CES1: variants seen among roughly 807,000 people sequenced by gnomAD.
CES1 encodes carboxylesterase 1.
In CES1, 50 loss-of-function variants were observed where a neutral mutation model predicts 53.0. The observed-to-expected ratio is 0.94, with a 90% CI of 0.75 to 1.19. The LOEUF (loss-of-function observed/expected upper bound fraction) is 1.19, where lower values mean the gene tolerates loss of function less well. CES1 is among the 50% of genes most tolerant of loss of function. The pLI, the probability that CES1 is intolerant of heterozygous loss-of-function variation, is 0.00. For missense variants in CES1, 534 were observed against 538.0 expected, an observed-to-expected ratio of 0.99 and a Z score of 0.07; for synonymous variants, 202 against 210.1, an observed-to-expected ratio of 0.96 and a Z score of 0.33.
Position 55,812,986 on chromosome 16 carries a change from C to T in CES1, c.1003G>A (p.Glu335Lys), listed in dbSNP as rs543385969. Residue 335 changes from glutamate to lysine, a missense_variant, in exon 9 of 14, where the codon GAG (glutamate) becomes AAG (lysine). Coordinates refer to ENST00000360526, the MANE Select transcript of CES1 (RefSeq NM_001025195.2). ...TGGAAATTCCTTTCAGCTTGAAGCT[C>T]TTCAGGTGTTTTCAGCAGCAGCATC... ...DGMLLLKTPE[E>K]LQAERNFHTV... 3.7e-5 allele frequency: 59 copies of T among 1,614,058 alleles called. No individual in the cohort carries two copies. In the South Asian group the frequency reaches 5.7e-4, roughly 16 times the overall value.
At chr16:55,826,558 G>C (rs2032426821) in intron 2 of CES1, among the ~76,000 whole-genome samples, 1 of 152,190 alleles carries the variant, frequency 6.6e-6, no homozygotes, top group Non-Finnish European at 1.5e-5. Context: ...GCATCAAGGA[G>C]GGGAGACCAC....
chr16:55,819,406 G>T (rs1833250), intron 7 of CES1, 129 bp downstream of exon 7: 495,524 of 751,688 alleles, frequency 0.66, 171,101 homozygotes, highest in Non-Finnish European at 0.74. Context: ...GGACAAATCA[G>T]ATTCCCCATT....
rs189586774 is a variant in CES1, at chr16:55,809,916, T to C, written c.1318+601A>G. On this transcript the variant is annotated intron_variant, in intron 11 of 13. Transcript: ENST00000360526. ...CCAGGCATGGAGCCCTTGCAGCAGA[T>C]GCTGCCAGGGTCTCACCTATATCCC... is the stretch of plus-strand genomic sequence containing the variant. Among the ~76,000 whole-genome samples the C allele has an allele frequency of 4.2e-3, 644 of 152,348 alleles. 6 individuals carry two copies. The highest frequency in any genetic ancestry group is 0.015 in the African/African-American group (610 of 41,576).
intron 8 of CES1, among the ~76,000 whole-genome samples, chr16:55,815,674 T>C (rs1173595959): frequency 6.6e-6 from 1 of 151,866 alleles, no homozygotes; most frequent in Non-Finnish European, 1.5e-5. Context: ...ACTCCTCCCA[T>C]CCCCACTGCC....
At position 55,821,462 on chromosome 16, in the gene CES1, C is replaced by A. The variant is rs2307243; in HGVS notation, c.599G>T (p.Arg200Leu). ...WGHLDQVAAL[R>L]WVQDNIASFG... Reference sequence around the variant, plus strand: ...GCTGGCAATGTTGTCCTGGACCCAGCGCAGGGCAGCCACCTGGTCCAGGTG... The same window carrying A: ...GCTGGCAATGTTGTCCTGGACCCAGAGCAGGGCAGCCACCTGGTCCAGGTG... The change falls in exon 5 of 14, where the codon CGC becomes CTC. Residue 200 changes from arginine to leucine, a missense_variant. Transcript: ENST00000360526. The A allele has an allele frequency of 3.1e-6, 5 of 1,614,158 alleles. No individual in the cohort carries two copies. The South Asian group carries it at 3.3e-5, about 11-fold the overall frequency.
intron 6 of CES1, 141 bp from the exon 7 acceptor site, chr16:55,819,780 G>T: frequency 5.2e-6 from 4 of 773,700 alleles, no homozygotes; most frequent in Non-Finnish European, 2.3e-6. Flanking sequence ...GTGGGTGTGG[G>T]TTCCAGGTCC....
At chr16:55,816,876 A>C (rs1422300587) in intron 8 of CES1, 48 bp downstream of exon 8, 2 of 1,578,212 alleles carry the variant, frequency 1.3e-6, no homozygotes, top group African/African-American at 2.7e-5. Context: ...TTGGAGCTTA[A>C]AGGTGCTAAG....
chr16:55,825,782 G>C (rs2032391537), intron 3 of CES1, among the ~76,000 whole-genome samples: 1 of 152,182 alleles, frequency 6.6e-6, no homozygotes, highest in African/African-American at 2.4e-5. Flanking sequence ...AGGAAGAGTT[G>C]GGGTGTTGGC....
rs1363807580 is a variant in CES1 at position 55,821,367 on chromosome 16, CA to C, written c.693del (p.Val232PhefsTer26). 1 of 1,614,086 alleles carries C rather than the reference CA, an allele frequency of 6.2e-7. No homozygotes were observed. The highest frequency in any genetic ancestry group is 8.5e-7 in the Non-Finnish European group (1 of 1,180,056). On this transcript the variant is annotated frameshift_variant and splice_region_variant, in exon 5 of 14. Transcript: ENST00000360526. LOFTEE classifies it high-confidence loss of function. ...ESAGGESVSVLVLSPLAKNLF... is the reference protein window; with the variant it reads ...ESAGGESVSVXVLSPLAKNLF... The stretch of plus-strand genomic sequence containing the variant: ...TTGGGCCTGGTGACAGGAAAACTCA[CA>C]AGAACAGAGACACTTTCTCCTCCCG...
rs539814571 is a variant in CES1 at position 55,828,346 on chromosome 16, A to C, written c.260+421T>G. ...GCCCACTCCTCTCCCCGACTATGTC[A>C]AAATTCAAGACAGCAGAATTCATGG... On this transcript the variant is annotated intron_variant, in intron 2 of 13. Coordinates refer to ENST00000360526, the MANE Select transcript of CES1 (RefSeq NM_001025195.2). 1.1e-4 allele frequency among the ~76,000 whole-genome samples: 16 copies of C among 152,376 alleles called. No individual in the cohort carries two copies. In the South Asian group the frequency reaches 3.3e-3, roughly 32 times the overall value.
At position 55,819,531 on chromosome 16, in the gene CES1, C is replaced by T. The variant is rs776400611; in HGVS notation, c.906+4G>A. 5 of 1,608,900 alleles carry T rather than the reference C, an allele frequency of 3.1e-6. No individual in the cohort carries two copies. Among genetic ancestry groups the T allele is most frequent in the Non-Finnish European group, 3.4e-6 (4 of 1,175,496 alleles). Reference sequence around the variant, plus strand: ...GGTTTGGGCTACGGGAACAGGCAACCTACCATTTTCAATGTCGTCTCCAAG... The same window carrying T: ...GGTTTGGGCTACGGGAACAGGCAACTTACCATTTTCAATGTCGTCTCCAAG... On this transcript the variant is annotated splice_donor_region_variant and intron_variant, in intron 7 of 13. Coordinates refer to ENST00000360526, the MANE Select transcript of CES1 (RefSeq NM_001025195.2).
intron 9 of CES1, among the ~76,000 whole-genome samples, chr16:55,811,766 G>A (rs1254059213): frequency 3.1e-4 from 6 of 19,650 alleles, no homozygotes; most frequent in Non-Finnish European, 1.0e-3. Context: ...TGCCCTTTGG[G>A]ATGTGAATCT....
intron 11 of CES1, among the ~76,000 whole-genome samples, chr16:55,809,556 G>A (rs559365087): frequency 6.6e-5 from 10 of 152,300 alleles, no homozygotes; most frequent in African/African-American, 1.9e-4. Flanking sequence ...CATCCCTAAC[G>A]TCATGCCCCA....
intron 2 of CES1, among the ~76,000 whole-genome samples, chr16:55,828,391 C>T (rs1464871779): frequency 1.3e-5 from 2 of 152,200 alleles, no homozygotes; most frequent in African/African-American, 4.8e-5. Context: ...TTCTGATCTC[C>T]CTCACCTGCT....
At chr16:55,825,095 G>C (rs2032364417) in intron 3 of CES1, among the ~76,000 whole-genome samples, 1 of 152,244 alleles carries the variant, frequency 6.6e-6, no homozygotes, top group Non-Finnish European at 1.5e-5. Flanking sequence ...GGCAGGGGCT[G>C]TGTGGAGTGG....
At chr16:55,815,150 C>T (rs2031883155) in intron 8 of CES1, among the ~76,000 whole-genome samples, 1 of 152,218 alleles carries the variant, frequency 6.6e-6, no homozygotes, top group Non-Finnish European at 1.5e-5. Context: ...CCAGAAACAA[C>T]CAAGAGTTCT....
chr16:55,826,404 G>A (rs575594679), intron 2 of CES1, 109 bp from the exon 3 acceptor site: 13 of 1,298,736 alleles, frequency 1.0e-5, no homozygotes, highest in Non-Finnish European at 1.3e-5. Flanking sequence ...GGACTTGATA[G>A]TTACAGACTC....
intron 1 of CES1, among the ~76,000 whole-genome samples, chr16:55,831,079 A>G (rs1314115213): frequency 1.3e-5 from 2 of 152,206 alleles, no homozygotes; most frequent in Non-Finnish European, 2.9e-5. Flanking sequence ...GCAGGGCAGA[A>G]TCTTCTCCTG....
chr16:55,819,920 G>C (rs1313246547), intron 6 of CES1: 1 of 578,088 alleles, frequency 1.7e-6, no homozygotes, highest in Non-Finnish European at 3.1e-6. Context: ...AGAAATGTGA[G>C]GTGGAGCTGG....
Sources: allele counts gnomAD v4.1 joint callset (sites outside exome capture counted in the v4.1 genomes callset), GRCh38; gene constraint gnomAD v4.1.1; transcripts MANE v1.5; gene names NCBI Gene and HGNC (gene_info 2026-07-23, HGNC 2026-07-21).